The following LIPT2 variants were observed in gnomAD, a reference collection of about 807,000 sequenced individuals.
The protein encoded by LIPT2 is octanoyl-[acyl-carrier-protein]:protein N-octanoyltransferase LIPT2, mitochondrial.
Under a neutral mutation model 16.2 loss-of-function variants are expected in LIPT2, and 16 were observed. The observed-to-expected ratio is 0.99, with a 90% CI of 0.67 to 1.50. The LOEUF is 1.50. Ranked by LOEUF, LIPT2 falls within the 40% of genes most tolerant of loss-of-function variation. LIPT2 has a pLI of 0.00. For synonymous variants in LIPT2, 199 were observed against 169.3 expected (o/e 1.18, Z -1.36); for missense variants, 424 against 347.7 (o/e 1.22, Z -1.75).
At position 74,493,646 on chromosome 11, in the gene LIPT2, G is replaced by A; in HGVS notation, c.58C>T (p.Leu20=). The change falls in exon 1 of 2, where the codon CTG becomes TTG. Residue 20 remains leucine (L), a synonymous_variant. Transcript: ENST00000310109. ...RLGRVPYAEL[L]GLQDRWLRRL... Reference sequence around the variant, plus strand: ...CGCAGCCAGCGGTCCTGCAGCCCCAGTAGCTCGGCGTACGGCACCCGACCC... The same window carrying A: ...CGCAGCCAGCGGTCCTGCAGCCCCAATAGCTCGGCGTACGGCACCCGACCC... 6.9e-7 allele frequency: 1 copy of A among 1,454,858 alleles called. No individual in the cohort carries two copies. The highest frequency in any genetic ancestry group is 9.0e-7 in the Non-Finnish European group (1 of 1,110,170). 90.1% of individuals were successfully genotyped at this position (1,454,858 alleles called of 1,614,324 possible).
Position 74,493,422 on chromosome 11 carries a change from CG to C in LIPT2, c.281del (p.Pro94ArgfsTer23), listed in dbSNP as rs1864398136. 6.6e-7 allele frequency: 1 copy of C among 1,509,470 alleles called. No individual in the cohort carries two copies. Among genetic ancestry groups the C allele is most frequent in the African/African-American group, 1.4e-5 (1 of 69,620 alleles). 93.5% of individuals were successfully genotyped at this position (1,509,470 alleles called of 1,614,324 possible). A position where few individuals can be genotyped will look rare whatever the true frequency, so the allele number is the denominator to read the frequency against. ...GRGGLATFHG[P>X]GQLLCHPVLD... ...GTACCGGGTGGCAAAGCAGCTGGCC[CG>C]GGCCGTGGAAGGTGGCCAGGCCACC... is the stretch of plus-strand genomic sequence containing the variant. On this transcript the variant is annotated frameshift_variant, in exon 1 of 2. Coordinates refer to ENST00000310109, the MANE Select transcript of LIPT2 (RefSeq NM_001144869.3). LOFTEE classifies it high-confidence loss of function.
Position 74,493,712 on chromosome 11 carries a change from C to G in LIPT2, c.-9G>C. The G allele has an allele frequency of 2.2e-6, 3 of 1,355,736 alleles. No homozygotes were observed. The South Asian group carries it at 5.4e-5, about 25-fold the overall frequency. 84.0% of individuals were successfully genotyped at this position (1,355,736 alleles called of 1,614,324 possible). A position where few individuals can be genotyped will look rare whatever the true frequency, so the allele number is the denominator to read the frequency against. On this transcript the variant is annotated 5_prime_UTR_variant, in exon 1 of 2. Coordinates refer to ENST00000310109, the MANE Select transcript of LIPT2 (RefSeq NM_001144869.3). ...ACGGCGGGTTGCCGCATCGTGCCCA[C>G]CGTTGCGTCCGCGGGGCCCCGCCCT...
chr11:74,493,284 C>T lies in LIPT2; in HGVS notation c.420G>A (p.Pro140=), dbSNP rs1253209165. 1.4e-6 allele frequency: 2 copies of T among 1,415,608 alleles called. No homozygotes were observed. The highest frequency in any genetic ancestry group is 1.5e-5 in the African/African-American group (1 of 67,034). The allele number at this position is 1,415,608 out of a possible 1,614,324, so 87.7% of individuals were successfully genotyped here. A position where few individuals can be genotyped will look rare whatever the true frequency, so the allele number is the denominator to read the frequency against. ...CGTCTAGCCAGACGCCAGTGTAGGG[C>T]GGGGGCCGCGCGCGGGCGTCCTGCA... is the stretch of plus-strand genomic sequence containing the variant. ...QGLQDARARP[P]PYTGVWLDDR... Residue 140 remains proline, a synonymous_variant, in exon 1 of 2, where the codon CCG becomes CCA. Coordinates refer to ENST00000310109, the MANE Select transcript of LIPT2 (RefSeq NM_001144869.3).
At position 74,493,290 on chromosome 11, in the gene LIPT2, C is replaced by T. The variant is rs781270548; in HGVS notation, c.414G>A (p.Arg138=). Residue 138 remains arginine (R), a synonymous_variant, in exon 1 of 2, where the codon CGG becomes CGA. Coordinates refer to ENST00000310109, the MANE Select transcript of LIPT2 (RefSeq NM_001144869.3). ...ELQGLQDARA[R]PPPYTGVWLD... Reference sequence around the variant, plus strand: ...GCCAGACGCCAGTGTAGGGCGGGGGCCGCGCGCGGGCGTCCTGCAGGCCCT... The same window carrying T: ...GCCAGACGCCAGTGTAGGGCGGGGGTCGCGCGCGGGCGTCCTGCAGGCCCT... 1.4e-6 allele frequency: 2 copies of T among 1,417,740 alleles called. No homozygotes were observed. The highest frequency in any genetic ancestry group is 1.4e-5 in the South Asian group (1 of 69,208). 87.8% of individuals were successfully genotyped at this position (1,417,740 alleles called of 1,614,324 possible). A position where few individuals can be genotyped will look rare whatever the true frequency, so the allele number is the denominator to read the frequency against.
Position 74,492,141 on chromosome 11 carries a change from G to A in LIPT2, c.690C>T (p.Pro230=), listed in dbSNP as rs147957229. The A allele has an allele frequency of 2.3e-3, 3,492 of 1,550,706 alleles. 140 individuals are homozygous for A. The Admixed American group carries it at 0.06, about 26-fold the overall frequency. ...YKCTLISEDS[P]N is the part of the protein sequence containing the mutation. ...TGGCTGTTATGAGTACTCTTCAGTT[G>A]GGGCTGTCCTCTGAGATCAGTGTGC... is the stretch of plus-strand genomic sequence containing the variant. Residue 230 remains proline (P), a synonymous_variant, in exon 2 of 2, where the codon CCC becomes CCT. Coordinates refer to ENST00000310109, the MANE Select transcript of LIPT2 (RefSeq NM_001144869.3).
In LIPT2 at chr11:74,493,271, C is replaced by A. The variant is rs1351372343; in HGVS notation, c.433G>T (p.Val145Phe). ...ARARPPPYTG[V>F]WLDDRKICAI... The stretch of plus-strand genomic sequence containing the variant: ...CAGATCTTGCGATCGTCTAGCCAGA[C>A]GCCAGTGTAGGGCGGGGGCCGCGCG... The change falls in exon 1 of 2, where the codon GTC (valine) becomes TTC (phenylalanine). Residue 145 changes from valine (V) to phenylalanine (F), a missense_variant. Val to Phe is a conservative substitution (Grantham distance 50). Coordinates refer to ENST00000310109, the MANE Select transcript of LIPT2 (RefSeq NM_001144869.3). 2 of 1,383,192 alleles carry A rather than the reference C, an allele frequency of 1.4e-6. No individual in the cohort carries two copies. Among genetic ancestry groups the A allele is most frequent in the South Asian group, 3.2e-5 (2 of 63,250 alleles). The allele number at this position is 1,383,192 out of a possible 1,614,324, so 85.7% of individuals were successfully genotyped here.
rs1864397540 is a variant in LIPT2 at position 74,493,420 on chromosome 11, C to T, written c.284G>A (p.Gly95Asp). The T allele has an allele frequency of 1.3e-6, 2 of 1,509,856 alleles. No individual in the cohort carries two copies. The highest frequency in any genetic ancestry group is 1.8e-6 in the Non-Finnish European group (2 of 1,136,212). The allele number at this position is 1,509,856 out of a possible 1,614,324, so 93.5% of individuals were successfully genotyped here. The change falls in exon 1 of 2, where the codon GGC becomes GAC. Residue 95 changes from glycine to aspartate, a missense_variant. Transcript: ENST00000310109. ...RGGLATFHGP[G>D]QLLCHPVLDL... ...GAGTACCGGGTGGCAAAGCAGCTGG[C>T]CCGGGCCGTGGAAGGTGGCCAGGCC...
chr11:74,493,217 G>A (rs952374104), intron 1 of LIPT2, 21 bp downstream of exon 1: 54 of 1,337,258 alleles, frequency 4.0e-5, no homozygotes, highest in Non-Finnish European at 4.9e-5. Flanking sequence ...CTCAGGTACC[G>A]CCCTGCTCCG....
rs1305792433 is a variant in LIPT2, at chr11:74,493,272, G to A, written c.432C>T (p.Gly144=). ...AGATCTTGCGATCGTCTAGCCAGAC[G>A]CCAGTGTAGGGCGGGGGCCGCGCGC... is the stretch of plus-strand genomic sequence containing the variant. The part of the protein sequence containing the change: ...DARARPPPYT[G]VWLDDRKICA... The change falls in exon 1 of 2, where the codon GGC becomes GGT. Residue 144 remains glycine, a synonymous_variant. Transcript: ENST00000310109. 7.2e-7 allele frequency: 1 copy of A among 1,383,404 alleles called. No individual in the cohort carries two copies. Among genetic ancestry groups the A allele is most frequent in the Non-Finnish European group, 9.4e-7 (1 of 1,069,430 alleles). 85.7% of individuals were successfully genotyped at this position (1,383,404 alleles called of 1,614,324 possible).
At chr11:74,492,899 GTC>G (rs1308050482) in intron 1 of LIPT2, among the ~76,000 whole-genome samples, 2 of 86,294 alleles carry the variant, frequency 2.3e-5, no homozygotes, top group Non-Finnish European at 5.0e-5. Context: ...GCGAGACTCT[GTC>G]TCAAAAAAAA....
Position 74,493,242 on chromosome 11 carries a change from C to T in LIPT2, c.462G>A (p.Ala154=). 1 of 1,347,214 alleles carries T rather than the reference C, an allele frequency of 7.4e-7. No individual in the cohort carries two copies. The highest frequency in any genetic ancestry group is 3.1e-5 in the East Asian group (1 of 32,308). The allele number at this position is 1,347,214 out of a possible 1,614,324, so 83.5% of individuals were successfully genotyped here. ...GCCCTGCTCCGCGGCGCTCACCGATCGCGCAGATCTTGCGATCGTCTAGCC... is the reference window on the plus strand; with the variant it reads ...GCCCTGCTCCGCGGCGCTCACCGATTGCGCAGATCTTGCGATCGTCTAGCC... The part of the protein sequence containing the change: ...GVWLDDRKIC[A]IGVRCGRHIT... The change falls in exon 1 of 2, where the codon GCG becomes GCA. Residue 154 remains alanine, a synonymous_variant. Coordinates refer to ENST00000310109, the MANE Select transcript of LIPT2 (RefSeq NM_001144869.3).
chr11:74,493,424 G>A lies in LIPT2; in HGVS notation c.280C>T (p.Pro94Ser), dbSNP rs548483364. Residue 94 changes from proline (P) to serine (S), a missense_variant, in exon 1 of 2, where the codon CCG (proline) becomes TCG (serine). Physicochemically the swap from Pro to Ser is moderately conservative, Grantham distance 74. Transcript: ENST00000310109. The part of the protein sequence containing the change: ...GRGGLATFHG[P>S]GQLLCHPVLD... ...ACCGGGTGGCAAAGCAGCTGGCCCGGGCCGTGGAAGGTGGCCAGGCCACCG... is the reference window on the plus strand; with the variant it reads ...ACCGGGTGGCAAAGCAGCTGGCCCGAGCCGTGGAAGGTGGCCAGGCCACCG... 49 of 1,508,040 alleles carry A rather than the reference G, an allele frequency of 3.2e-5. No homozygotes were observed. Among genetic ancestry groups the A allele is most frequent in the Middle Eastern group, 3.8e-4 (2 of 5,248 alleles). 93.4% of individuals were successfully genotyped at this position (1,508,040 alleles called of 1,614,324 possible).
rs1864399375 is a variant in LIPT2, at chr11:74,493,440, C to T, written c.264G>A (p.Leu88=). 1.3e-6 allele frequency: 2 copies of T among 1,499,404 alleles called. No individual in the cohort carries two copies. The highest frequency in any genetic ancestry group is 4.3e-5 in the Admixed American group (2 of 46,804). The allele number at this position is 1,499,404 out of a possible 1,614,324, so 92.9% of individuals were successfully genotyped here. Reference sequence around the variant, plus strand: ...GCTGGCCCGGGCCGTGGAAGGTGGCCAGGCCACCGCGGCCTGTGACGCGCA... The same window carrying T: ...GCTGGCCCGGGCCGTGGAAGGTGGCTAGGCCACCGCGGCCTGTGACGCGCA... ...AEVRVTGRGG[L]ATFHGPGQLL... is the part of the protein sequence containing the mutation. Residue 88 remains leucine, a synonymous_variant, in exon 1 of 2, where the codon CTG becomes CTA. Coordinates refer to ENST00000310109, the MANE Select transcript of LIPT2 (RefSeq NM_001144869.3).
chr11:74,491,865 TGA>T lies in LIPT2; in HGVS notation c.*268_*269del. The T allele has an allele frequency of 2.4e-6, 1 of 416,714 alleles. No individual in the cohort carries two copies. The allele number at this position is 416,714 out of a possible 1,614,324, so 25.8% of individuals were successfully genotyped here. On this transcript the variant is annotated 3_prime_UTR_variant, in exon 2 of 2. Transcript: ENST00000310109. Reference sequence around the variant, plus strand: ...ACAATCTATGACATCTGAATTTCTCTGAGACACTGCTGTCAATAGCAGTGCTA... The same window carrying T: ...ACAATCTATGACATCTGAATTTCTCTGACACTGCTGTCAATAGCAGTGCTA...
At position 74,493,416 on chromosome 11, in the gene LIPT2, C is replaced by G. The variant is rs1482929427; in HGVS notation, c.288G>C (p.Gln96His). The G allele has an allele frequency of 3.0e-5, 45 of 1,509,984 alleles. No homozygotes were observed. The highest frequency in any genetic ancestry group is 4.0e-5 in the Non-Finnish European group (45 of 1,136,274). 93.5% of individuals were successfully genotyped at this position (1,509,984 alleles called of 1,614,324 possible). A position where few individuals can be genotyped will look rare whatever the true frequency, so the allele number is the denominator to read the frequency against. The change falls in exon 1 of 2, where the codon CAG becomes CAC. Residue 96 changes from glutamine (Q) to histidine (H), a missense_variant. Coordinates refer to ENST00000310109, the MANE Select transcript of LIPT2 (RefSeq NM_001144869.3). Reference protein sequence around the residue: ...GGLATFHGPGQLLCHPVLDLR... With the variant: ...GGLATFHGPGHLLCHPVLDLR... ...GGTCGAGTACCGGGTGGCAAAGCAGCTGGCCCGGGCCGTGGAAGGTGGCCA... is the reference window on the plus strand; with the variant it reads ...GGTCGAGTACCGGGTGGCAAAGCAGGTGGCCCGGGCCGTGGAAGGTGGCCA...
Position 74,491,191 on chromosome 11 carries a change from CTCT to C in LIPT2, c.*941_*943del, listed in dbSNP as rs1342540749. Among the ~76,000 whole-genome samples, 1 of 152,198 alleles carries C rather than the reference CTCT, an allele frequency of 6.6e-6. No individual in the cohort carries two copies. The highest frequency in any genetic ancestry group is 2.4e-5 in the African/African-American group (1 of 41,452). Reference sequence around the variant, plus strand: ...GGTCCACACGGTAAGGAACTGAGGCCTCTTGTCAGCAACCATAACCAACCACGC... The same window carrying C: ...GGTCCACACGGTAAGGAACTGAGGCCTGTCAGCAACCATAACCAACCACGC... On this transcript the variant is annotated 3_prime_UTR_variant, in exon 2 of 2. Coordinates refer to ENST00000310109, the MANE Select transcript of LIPT2 (RefSeq NM_001144869.3).
Position 74,491,875 on chromosome 11 carries a change from C to T in LIPT2, c.*260G>A, listed in dbSNP as rs182942835. On this transcript the variant is annotated 3_prime_UTR_variant, in exon 2 of 2. Transcript: ENST00000310109. Reference sequence around the variant, plus strand: ...ACATCTGAATTTCTCTGAGACACTGCTGTCAATAGCAGTGCTAATGTTTTA... The same window carrying T: ...ACATCTGAATTTCTCTGAGACACTGTTGTCAATAGCAGTGCTAATGTTTTA... The T allele has an allele frequency of 1.7e-4, 75 of 441,646 alleles. No individual in the cohort carries two copies. Among genetic ancestry groups the T allele is most frequent in the African/African-American group, 1.4e-3 (71 of 50,672 alleles). The allele number at this position is 441,646 out of a possible 1,614,324, so 27.4% of individuals were successfully genotyped here.
chr11:74,493,654 G>A lies in LIPT2; in HGVS notation c.50C>T (p.Ala17Val). 1 of 1,451,282 alleles carries A rather than the reference G, an allele frequency of 6.9e-7. No homozygotes were observed. Among genetic ancestry groups the A allele is most frequent in the South Asian group, 1.3e-5 (1 of 74,112 alleles). The allele number at this position is 1,451,282 out of a possible 1,614,324, so 89.9% of individuals were successfully genotyped here. Residue 17 changes from alanine (A) to valine (V), a missense_variant, in exon 1 of 2, where the codon GCC becomes GTC. Coordinates refer to ENST00000310109, the MANE Select transcript of LIPT2 (RefSeq NM_001144869.3). ...RLVRLGRVPY[A>V]ELLGLQDRWL... Reference sequence around the variant, plus strand: ...GCGGTCCTGCAGCCCCAGTAGCTCGGCGTACGGCACCCGACCCAGGCGCAC... The same window carrying A: ...GCGGTCCTGCAGCCCCAGTAGCTCGACGTACGGCACCCGACCCAGGCGCAC...
Position 74,493,677 on chromosome 11 carries a change from C to G in LIPT2, c.27G>C (p.Val9=). 7.1e-7 allele frequency: 1 copy of G among 1,411,876 alleles called. No homozygotes were observed. Among genetic ancestry groups the G allele is most frequent in the Non-Finnish European group, 9.2e-7 (1 of 1,089,322 alleles). 87.5% of individuals were successfully genotyped at this position (1,411,876 alleles called of 1,614,324 possible). ...CGGCGTACGGCACCCGACCCAGGCG[C>G]ACCAACCGAACGGCGGGTTGCCGCA... The part of the protein sequence containing the change: MRQPAVRL[V]RLGRVPYAEL... The change falls in exon 1 of 2, where the codon GTG becomes GTC. Residue 9 remains valine (V), a synonymous_variant. Transcript: ENST00000310109.
Sources: allele counts gnomAD v4.1 joint callset (sites outside exome capture counted in the v4.1 genomes callset), GRCh38; gene constraint gnomAD v4.1.1; transcripts MANE v1.5; gene names NCBI Gene and HGNC (gene_info 2026-07-23, HGNC 2026-07-21).